FOXK2: variants seen among roughly 807,000 people sequenced by gnomAD.
FOXK2 encodes the protein forkhead box protein K2.
Under a neutral mutation model 53.3 loss-of-function variants are expected in FOXK2, and 24 were observed. The ratio of observed to expected loss-of-function variants is 0.45; its 90% CI spans 0.33 to 0.63. The LOEUF is 0.63. FOXK2 is among the 30% of genes least tolerant of loss of function. The pLI is 0.03. For synonymous variants in FOXK2, 505 were observed against 407.1 expected, an observed-to-expected ratio of 1.24 and a Z score of -2.89; for missense variants, 952 against 910.5, an observed-to-expected ratio of 1.05 and a Z score of -0.59.
At chr17:82,568,464 G>A (rs989702576) in intron 3 of FOXK2, among the ~76,000 whole-genome samples, 1 of 152,230 alleles carries the variant, frequency 6.6e-6, no homozygotes, top group Non-Finnish European at 1.5e-5. Context: ...GGCAGACAGC[G>A]GAAGATGGAG....
intron 3 of FOXK2, among the ~76,000 whole-genome samples, chr17:82,570,472 G>A (rs954260106): frequency 2.6e-5 from 4 of 152,086 alleles, no homozygotes; most frequent in South Asian, 2.1e-4. Flanking sequence ...TGGCCTGGGC[G>A]ACAGAGTGAG....
chr17:82,524,004 C>T (rs1040868898), intron 1 of FOXK2, among the ~76,000 whole-genome samples: 18 of 152,186 alleles, frequency 1.2e-4, no homozygotes, highest in Non-Finnish European at 1.8e-4. Flanking sequence ...AAGCCATTCT[C>T]CTGCCTCAGA....
chr17:82,537,208 A>G (rs2044529098), intron 1 of FOXK2, among the ~76,000 whole-genome samples: 1 of 152,220 alleles, frequency 6.6e-6, no homozygotes, highest in African/African-American at 2.4e-5. Context: ...GTTATTCCTG[A>G]GAAATTCAGA....
chr17:82,540,055 C>T (rs560309453), intron 1 of FOXK2, among the ~76,000 whole-genome samples: 19 of 151,332 alleles, frequency 1.3e-4, no homozygotes, highest in South Asian at 1.0e-3. Context: ...CCAAGGAAGG[C>T]GGATCACCTG....
chr17:82,588,720 G>A (rs1211438482), intron 8 of FOXK2, among the ~76,000 whole-genome samples: 1 of 152,046 alleles, frequency 6.6e-6, no homozygotes, highest in Non-Finnish European at 1.5e-5. Context: ...GCAGGTCAGA[G>A]GCTTTCTGGG....
intron 7 of FOXK2, among the ~76,000 whole-genome samples, chr17:82,586,624 A>G (rs2045174065): frequency 6.6e-6 from 1 of 152,146 alleles, no homozygotes; most frequent in African/African-American, 2.4e-5. Context: ...ATCCTTGGCC[A>G]GGTACAGTGG....
At chr17:82,545,861 C>T (rs1401303746) in intron 1 of FOXK2, among the ~76,000 whole-genome samples, 1 of 151,982 alleles carries the variant, frequency 6.6e-6, no homozygotes, top group African/African-American at 2.4e-5. Flanking sequence ...GGATTACAGG[C>T]GTGAGCCACC....
intron 3 of FOXK2, among the ~76,000 whole-genome samples, chr17:82,568,870 G>A (rs1368664859): frequency 6.6e-6 from 1 of 152,176 alleles, no homozygotes; most frequent in Non-Finnish European, 1.5e-5. Context: ...AAAAAGCCAG[G>A]CGTGGTGGCA....
intron 7 of FOXK2, 69 bp from the exon 8 acceptor site, chr17:82,586,994 T>C (rs1331277947): frequency 6.7e-6 from 10 of 1,485,420 alleles, no homozygotes; most frequent in African/African-American, 2.8e-5. Flanking sequence ...GGTTATTATG[T>C]TTTAAACTGG....
In FOXK2 at chr17:82,570,576, C is replaced by T. The variant is rs371983406; in HGVS notation, c.763-1148C>T. On this transcript the variant is annotated intron_variant, in intron 3 of 8. Transcript: ENST00000335255. The stretch of plus-strand genomic sequence containing the variant: ...CCTGTGCTATGGAAGCCCATGTGGG[C>T]GCCTCTGATATCCTTGCCTCCTGTC... 3.3e-5 allele frequency among the ~76,000 whole-genome samples: 5 copies of T among 152,336 alleles called. No individual in the cohort carries two copies. In the East Asian group the frequency reaches 7.7e-4, roughly 23 times the overall value.
intron 1 of FOXK2, among the ~76,000 whole-genome samples, chr17:82,526,621 G>A (rs1320307331): frequency 6.6e-6 from 1 of 151,954 alleles, no homozygotes; most frequent in East Asian, 1.9e-4. Flanking sequence ...ATGAGGTCAG[G>A]AGATTGAGAC....
chr17:82,529,215 C>T (rs1469817923), intron 1 of FOXK2, among the ~76,000 whole-genome samples: 2 of 134,244 alleles, frequency 1.5e-5, no homozygotes, highest in Non-Finnish European at 3.1e-5. Context: ...TACTTGAAAG[C>T]GCCTTTTTTT....
chr17:82,586,841 C>T lies in FOXK2; in HGVS notation c.1577-222C>T, dbSNP rs985616519. 7.9e-4 allele frequency among the ~76,000 whole-genome samples: 120 copies of T among 152,008 alleles called. 1 individual carries two copies. Among genetic ancestry groups the T allele is most frequent in the Non-Finnish European group, 5.9e-5 (4 of 67,986 alleles). Reference sequence around the variant, plus strand: ...ACTTGAACCCGGAAGGTGGAGGTTGCAGTGAGCTGAGATTGCGCCATTGGA... The same window carrying T: ...ACTTGAACCCGGAAGGTGGAGGTTGTAGTGAGCTGAGATTGCGCCATTGGA... On this transcript the variant is annotated intron_variant, in intron 7 of 8. Coordinates refer to ENST00000335255, the MANE Select transcript of FOXK2 (RefSeq NM_004514.4).
intron 1 of FOXK2, among the ~76,000 whole-genome samples, chr17:82,557,753 A>G (rs139106331): frequency 0.043 from 6,561 of 152,248 alleles, 186 homozygotes; most frequent in Non-Finnish European, 0.063. Flanking sequence ...GGGTCAAGCA[A>G]TCCTCCTGCC....
chr17:82,584,164 G>T lies in FOXK2; in HGVS notation c.1255G>T (p.Ala419Ser). 1 of 1,606,920 alleles carries T rather than the reference G, an allele frequency of 6.2e-7. No individual in the cohort carries two copies. Residue 419 changes from alanine (A) to serine (S), a missense_variant, in exon 6 of 9, where the codon GCC (alanine) becomes TCC (serine). This residue lies in a region of FOXK2 where 551 missense variants were observed against 385.1 expected (regional missense o/e 1.43). Transcript: ENST00000335255. The stretch of plus-strand genomic sequence containing the variant: ...GCCCAAACTCGCTGTCATCCAGGAA[G>T]CCCGGTTTGCCCAGAGCGCCCCAGG... ...AQPKLAVIQE[A>S]RFAQSAPGSP... is the part of the protein sequence containing the mutation.
At position 82,519,837 on chromosome 17, in the gene FOXK2, C is replaced by T. The variant is rs1416405709; in HGVS notation, c.-52C>T. 6 of 806,038 alleles carry T rather than the reference C, an allele frequency of 7.4e-6. No individual in the cohort carries two copies. In the South Asian group the frequency reaches 2.2e-4, roughly 30 times the overall value. 49.9% of individuals were successfully genotyped at this position (806,038 alleles called of 1,614,324 possible). On this transcript the variant is annotated 5_prime_UTR_variant, in exon 1 of 9. Coordinates refer to ENST00000335255, the MANE Select transcript of FOXK2 (RefSeq NM_004514.4). ...ACGACCCGCGCGGCCTGGGCCTCGG[C>T]CCGCGCCACCGGCGCCCGCGCGGAG...
chr17:82,573,562 TCACACACACACACACACACA>T (rs1019671658), intron 4 of FOXK2, among the ~76,000 whole-genome samples: 165 of 83,370 alleles, frequency 2.0e-3, no homozygotes, highest in African/African-American at 7.2e-3. Flanking sequence ...TCTCTCTCTC[TCACACACACACACACACACA>T]CACACACACA....
chr17:82,529,218 CTTTTTT>C (rs753569022), intron 1 of FOXK2, among the ~76,000 whole-genome samples: 4 of 90,474 alleles, frequency 4.4e-5, no homozygotes, highest in African/African-American at 1.9e-4. Flanking sequence ...TTGAAAGCGC[CTTTTTT>C]TTTTTTTTTT....
At chr17:82,596,322 C>T (rs2045310019) in intron 8 of FOXK2, 1 of 586,794 alleles carries the variant, frequency 1.7e-6, no homozygotes, top group South Asian at 7.3e-5. Context: ...GCTGCTTGTT[C>T]CCTTCTCATC....
Sources: allele counts gnomAD v4.1 joint callset (sites outside exome capture counted in the v4.1 genomes callset), GRCh38; gene constraint gnomAD v4.1.1; regional missense constraint gnomAD v4.1.1; transcripts MANE v1.5; gene names NCBI Gene and HGNC (gene_info 2026-07-23, HGNC 2026-07-21).